Variants in PRRC1 observed in about 807,000 individuals in gnomAD.
The protein encoded by PRRC1 is proline rich coiled-coil 1.
A neutral mutation model predicts 40.7 loss-of-function variants in PRRC1; 39 were observed. The observed-to-expected ratio is 0.96, with a 90% CI of 0.74 to 1.25. PRRC1 has a LOEUF of 1.25. Ranked by LOEUF, PRRC1 falls within the 50% of genes most tolerant of loss-of-function variation. The pLI is 0.00. For synonymous variants in PRRC1, 175 were observed against 193.3 expected (o/e 0.91, Z 0.79); for missense variants, 573 against 548.3 (o/e 1.05, Z -0.45).
intron 3 of PRRC1, among the ~76,000 whole-genome samples, chr5:127,525,338 G>A (rs974674665): frequency 1.3e-5 from 2 of 152,090 alleles, no homozygotes; most frequent in African/African-American, 4.8e-5. Flanking sequence ...CCATGTTGTA[G>A]CATTTGTCAG....
chr5:127,527,797 C>T (rs1767665363), intron 4 of PRRC1, among the ~76,000 whole-genome samples: 1 of 148,504 alleles, frequency 6.7e-6, no homozygotes, highest in Non-Finnish European at 1.5e-5. Context: ...CTATGATGAG[C>T]ACTGTTGTAT....
intron 1 of PRRC1, among the ~76,000 whole-genome samples, chr5:127,520,254 C>T (rs1767424861): frequency 6.6e-6 from 1 of 152,198 alleles, no homozygotes; most frequent in Non-Finnish European, 1.5e-5. Flanking sequence ...GCATAATCAG[C>T]CCTTCCCACT....
At chr5:127,530,942 A>G (rs574550516) in intron 5 of PRRC1, among the ~76,000 whole-genome samples, 11 of 152,322 alleles carry the variant, frequency 7.2e-5, no homozygotes, top group Non-Finnish European at 1.3e-4. Context: ...ACTGTCTGCT[A>G]TTTAATTTTT....
intron 4 of PRRC1, among the ~76,000 whole-genome samples, chr5:127,530,067 G>C (rs575656536): frequency 3.0e-4 from 45 of 151,968 alleles, no homozygotes; most frequent in Non-Finnish European, 5.4e-4. Flanking sequence ...CTCAAAGCGT[G>C]ATCTGTAGAT....
At chr5:127,550,876 G>A (rs913171016) in intron 8 of PRRC1, 1 of 152,318 alleles carries the variant, frequency 6.6e-6, no homozygotes. Context: ...TTTTACGTAC[G>A]TAATACTGTA....
chr5:127,526,152 C>T (rs1434778807), intron 3 of PRRC1, among the ~76,000 whole-genome samples: 2 of 152,204 alleles, frequency 1.3e-5, no homozygotes, highest in African/African-American at 4.8e-5. Flanking sequence ...CTATCTTTCC[C>T]TGTCTACCTT....
At chr5:127,545,259 C>T (rs868415426) in intron 7 of PRRC1, among the ~76,000 whole-genome samples, 95 of 151,872 alleles carry the variant, frequency 6.3e-4, no homozygotes, top group African/African-American at 2.3e-3. Context: ...ACTAGAAATA[C>T]CATTTGACCC....
chr5:127,540,212 C>T (rs985018656), intron 7 of PRRC1, among the ~76,000 whole-genome samples: 4 of 151,978 alleles, frequency 2.6e-5, no homozygotes, highest in Non-Finnish European at 4.4e-5. Flanking sequence ...AGAAACCGTC[C>T]AGTGATTGTT....
intron 1 of PRRC1, among the ~76,000 whole-genome samples, chr5:127,518,862 A>C (rs779935625): frequency 5.3e-5 from 8 of 152,084 alleles, no homozygotes; most frequent in Non-Finnish European, 1.2e-4. Flanking sequence ...TATGAATAGT[A>C]CTTTTCGTGA....
Position 127,552,308 on chromosome 5 carries a change from G to C in PRRC1, c.*392G>C. The C allele has an allele frequency of 9.7e-7, 1 of 1,029,104 alleles. No individual in the cohort carries two copies. The highest frequency in any genetic ancestry group is 1.2e-6 in the Non-Finnish European group (1 of 855,372). The allele number at this position is 1,029,104 out of a possible 1,614,324, so 63.7% of individuals were successfully genotyped here. A position where few individuals can be genotyped will look rare whatever the true frequency, so the allele number is the denominator to read the frequency against. On this transcript the variant is annotated 3_prime_UTR_variant, in exon 9 of 9. Transcript: ENST00000296666. Reference sequence around the variant, plus strand: ...GTTGGTTGAATGTTTATAAAAGCATGATTTGCTTTGGCTTCATCTCTTTTC... The same window carrying C: ...GTTGGTTGAATGTTTATAAAAGCATCATTTGCTTTGGCTTCATCTCTTTTC...
chr5:127,541,397 T>C (rs1286727470), intron 7 of PRRC1, among the ~76,000 whole-genome samples: 1 of 152,148 alleles, frequency 6.6e-6, no homozygotes. Context: ...ATAAAATGAG[T>C]TAGGGAGGAT....
At chr5:127,546,111 A>C (rs1217618956) in intron 7 of PRRC1, among the ~76,000 whole-genome samples, 2 of 152,122 alleles carry the variant, frequency 1.3e-5, no homozygotes, top group Non-Finnish European at 2.9e-5. Context: ...TCACATTGTC[A>C]GGTTTTTTCC....
At chr5:127,519,025 A>T (rs1767390091) in intron 1 of PRRC1, among the ~76,000 whole-genome samples, 1 of 152,230 alleles carries the variant, frequency 6.6e-6, no homozygotes, top group South Asian at 2.1e-4. Flanking sequence ...GCCATTAAAG[A>T]CAAAGAAATT....
At chr5:127,536,618 A>C (rs1443109302) in intron 6 of PRRC1, among the ~76,000 whole-genome samples, 1 of 152,088 alleles carries the variant, frequency 6.6e-6, no homozygotes, top group African/African-American at 2.4e-5. Flanking sequence ...AGACTAAAAC[A>C]AGGGATTTCT....
chr5:127,548,433 T>C (rs999736547), intron 8 of PRRC1: 22 of 157,028 alleles, frequency 1.4e-4, no homozygotes, highest in African/African-American at 5.1e-4. Flanking sequence ...AGAATGTAAG[T>C]ATAAATGATA....
At position 127,552,669 on chromosome 5, in the gene PRRC1, G is replaced by A; in HGVS notation, c.*753G>A. Reference sequence around the variant, plus strand: ...GATTCAAGTATATTTTAAATCAGAAGTATTCAAATTATTTTTGTATAATAC... The same window carrying A: ...GATTCAAGTATATTTTAAATCAGAAATATTCAAATTATTTTTGTATAATAC... On this transcript the variant is annotated 3_prime_UTR_variant, in exon 9 of 9. Coordinates refer to ENST00000296666, the MANE Select transcript of PRRC1 (RefSeq NM_130809.5). 2.0e-6 allele frequency: 2 copies of A among 980,362 alleles called. No homozygotes were observed. Among genetic ancestry groups the A allele is most frequent in the Non-Finnish European group, 2.4e-6 (2 of 825,020 alleles). 60.7% of individuals were successfully genotyped at this position (980,362 alleles called of 1,614,324 possible).
At position 127,531,617 on chromosome 5, in the gene PRRC1, C is replaced by CTTTTTTTTTT. The variant is rs60179366; in HGVS notation, c.757+1235_757+1244dup. On this transcript the variant is annotated intron_variant, in intron 5 of 8. Transcript: ENST00000296666. ...GCCAGGTGTTTTTATTCTTCTTCTT[C>CTTTTTTTTTT]TTTTTTTTTTTTTTTTTTTTTTTGA... Among the ~76,000 whole-genome samples the CTTTTTTTTTT allele has an allele frequency of 2.9e-3, 284 of 99,624 alleles. 14 individuals carry two copies. The highest frequency in any genetic ancestry group is 6.0e-3 in the African/African-American group (129 of 21,552). The allele number at this position is 99,624 out of a possible 152,430, so 65.4% of individuals were successfully genotyped here.
chr5:127,529,988 TTATATATA>T (rs1767722716), intron 4 of PRRC1, among the ~76,000 whole-genome samples: 1 of 151,946 alleles, frequency 6.6e-6, no homozygotes, highest in Non-Finnish European at 1.5e-5. Context: ...AGAAGTGAAA[TTATATATA>T]TGTATATACA....
chr5:127,538,730 T>C (rs1281419236), intron 6 of PRRC1, among the ~76,000 whole-genome samples: 1 of 152,030 alleles, frequency 6.6e-6, no homozygotes, highest in Non-Finnish European at 1.5e-5. Flanking sequence ...CATTAAAAAA[T>C]ACAGTTTTCT....
Sources: gnomAD v4.1 joint callset for allele counts (sites outside exome capture counted in the v4.1 genomes callset) on GRCh38, gnomAD v4.1.1 for gene constraint, MANE v1.5 for transcripts, NCBI Gene and HGNC (gene_info 2026-07-23, HGNC 2026-07-21) for gene names.